IQGAP1: variants seen among roughly 807,000 people sequenced by gnomAD.
IQGAP1 encodes the protein ras GTPase-activating-like protein IQGAP1.
In IQGAP1, 66 loss-of-function variants were observed where a neutral mutation model predicts 215.6. The observed-to-expected ratio is 0.31, with a 90% confidence interval of 0.25 to 0.38. The LOEUF (loss-of-function observed/expected upper bound fraction) is 0.38, where lower values mean the gene tolerates loss of function less well. Ranked by LOEUF, IQGAP1 falls within the 10% of genes least tolerant of loss-of-function variation. IQGAP1 has a pLI of 1.00. For missense variants in IQGAP1, 1,712 were observed against 1,997.1 expected, an observed-to-expected ratio of 0.86 and a Z score of 2.72; for synonymous variants, 772 against 728.7, an observed-to-expected ratio of 1.06 and a Z score of -0.96.
chr15:90,485,504 A>T (rs1966114539), intron 30 of IQGAP1, among the ~76,000 whole-genome samples: 1 of 152,068 alleles, frequency 6.6e-6, no homozygotes, highest in African/African-American at 2.4e-5. Flanking sequence ...CAATGGCGCA[A>T]TCTTGGCTCA....
chr15:90,436,829 G>C (rs79029482), intron 5 of IQGAP1, among the ~76,000 whole-genome samples: 1 of 152,126 alleles, frequency 6.6e-6, no homozygotes. Context: ...TAAAATACTC[G>C]TAATAATTAA....
In IQGAP1 at chr15:90,468,929, C is replaced by G. The variant is rs2238326; in HGVS notation, c.2178+1337C>G. Among the ~76,000 whole-genome samples, 1,315 of 152,286 alleles carry G rather than the reference C, an allele frequency of 8.6e-3. 37 individuals carry two copies. In the East Asian group the frequency reaches 0.11, roughly 12 times the overall value. ...TTTTTAAAATTTCCTTTCCTTACCC[C>G]CTTCATCTTCCTTTGAAGCTCCCAA... is the stretch of plus-strand genomic sequence containing the variant. On this transcript the variant is annotated intron_variant, in intron 18 of 37. Transcript: ENST00000268182.
intron 28 of IQGAP1, chr15:90,483,093 C>A: frequency 2.8e-6 from 1 of 363,056 alleles, no homozygotes; most frequent in Non-Finnish European, 5.1e-6. Context: ...TCATTTTTAC[C>A]TTCTGAATCT....
chr15:90,467,347 C>A, intron 17 of IQGAP1, 103 bp from the exon 18 acceptor site: 1 of 1,192,868 alleles, frequency 8.4e-7, no homozygotes, highest in South Asian at 1.7e-5. Context: ...TTGGAGTGGT[C>A]TTCATTTAGA....
At chr15:90,429,141 C>T (rs1441694590) in intron 3 of IQGAP1, among the ~76,000 whole-genome samples, 2 of 152,158 alleles carry the variant, frequency 1.3e-5, no homozygotes, top group Non-Finnish European at 2.9e-5. Flanking sequence ...GAATGAGCCA[C>T]CGTCCCAGCG....
At chr15:90,479,798 G>C (rs1037135560) in intron 26 of IQGAP1, among the ~76,000 whole-genome samples, 2 of 152,026 alleles carry the variant, frequency 1.3e-5, no homozygotes, top group Non-Finnish European at 2.9e-5. Flanking sequence ...GTACCATGTA[G>C]GTCTGTTATC....
At chr15:90,456,865 G>T in intron 15 of IQGAP1, among the ~76,000 whole-genome samples, 1 of 149,738 alleles carries the variant, frequency 6.7e-6, no homozygotes, top group Non-Finnish European at 1.5e-5. Context: ...TCCAGTCTGG[G>T]GGACAGAGTA....
At chr15:90,491,631 G>T in intron 34 of IQGAP1, 86 bp downstream of exon 34, 1 of 1,082,400 alleles carries the variant, frequency 9.2e-7, no homozygotes, top group Admixed American at 2.2e-5. Context: ...TAACAGCATA[G>T]CTTCAGTTCA....
chr15:90,392,837 CG>C (rs1485636132), intron 2 of IQGAP1, among the ~76,000 whole-genome samples: 1 of 150,658 alleles, frequency 6.6e-6, no homozygotes, highest in Non-Finnish European at 1.5e-5. Flanking sequence ...CTCCACCTCC[CG>C]GGTTCAAGCG....
chr15:90,428,286 A>G (rs1028730928), intron 3 of IQGAP1, among the ~76,000 whole-genome samples: 1 of 151,966 alleles, frequency 6.6e-6, no homozygotes, highest in African/African-American at 2.4e-5. Flanking sequence ...TATGTTGCCC[A>G]GGTTGGTCTC....
intron 2 of IQGAP1, among the ~76,000 whole-genome samples, chr15:90,425,579 C>A (rs1965210321): frequency 6.6e-6 from 1 of 152,136 alleles, no homozygotes; most frequent in South Asian, 2.1e-4. Context: ...TCATTATTTA[C>A]TGCTTCCATA....
chr15:90,448,676 G>A lies in IQGAP1; in HGVS notation c.1017G>A (p.Gln339=), dbSNP rs1369622072. 17 of 1,611,690 alleles carry A rather than the reference G, an allele frequency of 1.1e-5. No individual in the cohort carries two copies. Among genetic ancestry groups the A allele is most frequent in the South Asian group, 2.2e-5 (2 of 90,534 alleles). The change falls in exon 10 of 38, where the codon CAG becomes CAA. Residue 339 remains glutamine, a synonymous_variant. Coordinates refer to ENST00000268182, the MANE Select transcript of IQGAP1 (RefSeq NM_003870.4). Reference sequence around the variant, plus strand: ...CAGCCCTGGGGCTTCGAGGACTGCAGCAACAGAATAGCGACTGGTACTTGA... The same window carrying A: ...CAGCCCTGGGGCTTCGAGGACTGCAACAACAGAATAGCGACTGGTACTTGA... ...QSPALGLRGL[Q]QQNSDWYLKQ... is the part of the protein sequence containing the mutation.
chr15:90,446,979 C>T (rs1965535803), intron 9 of IQGAP1, among the ~76,000 whole-genome samples: 1 of 152,062 alleles, frequency 6.6e-6, no homozygotes, highest in Non-Finnish European at 1.5e-5. Flanking sequence ...TTACTAGATG[C>T]TTTTGTAGAT....
chr15:90,485,525 C>T (rs1966114712), intron 30 of IQGAP1, among the ~76,000 whole-genome samples: 1 of 152,114 alleles, frequency 6.6e-6, no homozygotes, highest in South Asian at 2.1e-4. Flanking sequence ...CTGCAACCTC[C>T]ACCTACTGGG....
chr15:90,465,916 G>T, intron 15 of IQGAP1, 85 bp from the exon 16 acceptor site: 1 of 994,888 alleles, frequency 1.0e-6, no homozygotes, highest in Non-Finnish European at 1.6e-6. Context: ...ATATTTAATT[G>T]AGTCTAGGAA....
rs199980055 is a variant in IQGAP1 at position 90,388,311 on chromosome 15, C to T, written c.-31C>T. ...CGTCCGCGCCTCCAAGGTTTCACGG[C>T]TTCCTCAGCAGAGACTCGGGCTCGT... On this transcript the variant is annotated 5_prime_UTR_variant, in exon 1 of 38. Transcript: ENST00000268182. 158 of 1,598,288 alleles carry T rather than the reference C, an allele frequency of 9.9e-5. 1 individual carries two copies. In the East Asian group the frequency reaches 3.0e-3, roughly 30 times the overall value.
At chr15:90,497,824 A>G (rs1596296835) in intron 37 of IQGAP1, among the ~76,000 whole-genome samples, 1 of 152,268 alleles carries the variant, frequency 6.6e-6, no homozygotes, top group East Asian at 1.9e-4. Flanking sequence ...AAAGATCCCT[A>G]AGTTTTATTT....
At chr15:90,456,126 A>T (rs1243048598) in intron 14 of IQGAP1, 26 bp from the exon 15 acceptor site, 4 of 1,598,212 alleles carry the variant, frequency 2.5e-6, no homozygotes, top group Non-Finnish European at 3.4e-6. Context: ...TTAGAAAAAA[A>T]AAACTTTCTG....
chr15:90,473,491 G>A (rs1343071937), intron 19 of IQGAP1: 6 of 526,912 alleles, frequency 1.1e-5, no homozygotes, highest in Non-Finnish European at 2.1e-5. Flanking sequence ...ACTGTAAAAG[G>A]TGTGCAGGGC....
Sources: gnomAD v4.1 joint callset for allele counts (sites outside exome capture counted in the v4.1 genomes callset) on GRCh38, gnomAD v4.1.1 for gene constraint, MANE v1.5 for transcripts, NCBI Gene and HGNC (gene_info 2026-07-23, HGNC 2026-07-21) for gene names.